Variants in DMD observed in about 807,000 individuals in gnomAD.
The protein encoded by DMD is dystrophin.
A neutral mutation model predicts 330.1 loss-of-function variants in DMD; 63 were observed. The observed-to-expected ratio is 0.19, with a 90% CI of 0.16 to 0.24. The LOEUF (loss-of-function observed/expected upper bound fraction) is 0.24, where lower values mean the gene tolerates loss of function less well. Among genes scored for constraint, DMD ranks in the 10% least tolerant of loss-of-function variants. DMD has a pLI of 1.00. For missense variants in DMD, 3,344 were observed against 2,684.1 expected (o/e 1.25, Z -5.43); for synonymous variants, 1,223 against 959.8 (o/e 1.27, Z -5.07).
rs139167730 is a variant in DMD at position 32,737,232 on chromosome X, A to G, written c.650-37939T>C. Reference sequence around the variant, plus strand: ...GCTTCAAGACGTGAAGTGTGAATACATGTTTCACTTGGAATAAAATAATAT... The same window carrying G: ...GCTTCAAGACGTGAAGTGTGAATACGTGTTTCACTTGGAATAAAATAATAT... On this transcript the variant is annotated intron_variant, in intron 7 of 78. Transcript: ENST00000357033. Among the ~76,000 whole-genome samples, 753 of 111,054 alleles carry G rather than the reference A, an allele frequency of 6.8e-3. 10 individuals carry two copies. The highest frequency in any genetic ancestry group is 0.024 in the African/African-American group (724 of 30,615).
At chrX:32,486,209 T>C (rs1255796109) in intron 20 of DMD, among the ~76,000 whole-genome samples, 1 of 111,302 alleles carries the variant, frequency 9.0e-6, no homozygotes, top group Admixed American at 9.6e-5. Flanking sequence ...GCACCTGAAA[T>C]GTGGCTGGTC....
rs188694739 is a variant in DMD, at chrX:32,697,950, G to A, written c.880C>T (p.Pro294Ser). The change falls in exon 9 of 79, where the codon CCT becomes TCT. Residue 294 changes from proline to serine, a missense_variant. Coordinates refer to ENST00000357033, the MANE Select transcript of DMD (RefSeq NM_004006.3). ...GTGTAGGCATAGCTCTTGAATCGAG[G>A]CTTAGGGGAAGAAGTTCTCTCATAT... is the stretch of plus-strand genomic sequence containing the variant. ...QGYERTSSPK[P>S]RFKSYAYTQA... The A allele has an allele frequency of 1.7e-5, 21 of 1,202,933 alleles. No individual in the cohort carries two copies.
intron 30 of DMD, among the ~76,000 whole-genome samples, chrX:32,407,637 G>T (rs867453877): frequency 1.8e-5 from 2 of 110,688 alleles, no homozygotes; most frequent in Non-Finnish European, 1.9e-5. Flanking sequence ...ATACCCAAAG[G>T]ATTATAAATC....
At chrX:31,466,350 G>A (rs1157008114) in intron 59 of DMD, among the ~76,000 whole-genome samples, 2 of 111,920 alleles carry the variant, frequency 1.8e-5, no homozygotes, top group African/African-American at 6.5e-5. Flanking sequence ...TGTATAAGGT[G>A]TAAGGAAGGG....
chrX:31,867,091 GAT>G (rs35804192), intron 48 of DMD, among the ~76,000 whole-genome samples: 111 of 101,211 alleles, frequency 1.1e-3, no homozygotes, highest in African/African-American at 1.5e-3. Context: ...AACATATTTT[GAT>G]ATATATATAT....
At chrX:32,650,039 C>G (rs928383701) in intron 9 of DMD, among the ~76,000 whole-genome samples, 2 of 110,921 alleles carry the variant, frequency 1.8e-5, no homozygotes, top group Non-Finnish European at 3.8e-5. Context: ...TGAATGAGCT[C>G]TGTGTGTTTC....
intron 67 of DMD, among the ~76,000 whole-genome samples, chrX:31,189,741 G>GC (rs1455243168): frequency 2.7e-5 from 3 of 112,181 alleles, no homozygotes; most frequent in Non-Finnish European, 5.6e-5. Context: ...CAATATGATC[G>GC]CAAGAAATAA....
chrX:32,725,628 G>A (rs971569421), intron 7 of DMD, among the ~76,000 whole-genome samples: 1 of 110,834 alleles, frequency 9.0e-6, no homozygotes, highest in African/African-American at 3.3e-5. Context: ...GGAGCACCCA[G>A]ATAAATAAAG....
At chrX:32,666,604 T>C (rs993485495) in intron 9 of DMD, among the ~76,000 whole-genome samples, 3 of 110,452 alleles carry the variant, frequency 2.7e-5, no homozygotes, top group African/African-American at 9.9e-5. Context: ...CAGTCTATCA[T>C]TGATGGGAAT....
At chrX:33,285,402 A>C in intron 1 of DMD, among the ~76,000 whole-genome samples, 1 of 111,832 alleles carries the variant, frequency 8.9e-6, no homozygotes, top group Non-Finnish European at 1.9e-5. Context: ...TTCATAATTC[A>C]AAGTAACATG....
At chrX:32,399,586 G>A (rs1198176566) in intron 30 of DMD, among the ~76,000 whole-genome samples, 1 of 111,111 alleles carries the variant, frequency 9.0e-6, no homozygotes, top group African/African-American at 3.3e-5. Flanking sequence ...AATAACAAAT[G>A]TTGGCGAGGA....
chrX:32,256,379 A>G (rs1046104306), intron 43 of DMD, among the ~76,000 whole-genome samples: 2 of 106,072 alleles, frequency 1.9e-5, no homozygotes, highest in African/African-American at 7.0e-5. Context: ...ATATTCCGCC[A>G]TCCCTTTGCT....
rs1199080997 is a variant in DMD at position 32,715,852 on chromosome X, C to T, written c.650-16559G>A. Among the ~76,000 whole-genome samples, 4 of 111,201 alleles carry T rather than the reference C, an allele frequency of 3.6e-5. No individual in the cohort carries two copies. In the East Asian group the frequency reaches 1.1e-3, roughly 31 times the overall value. Reference sequence around the variant, plus strand: ...CCACAGGACAGATGGAGCCGAAGAACATTAGGCTAAGTGAAATAAGCAAGA... The same window carrying T: ...CCACAGGACAGATGGAGCCGAAGAATATTAGGCTAAGTGAAATAAGCAAGA... On this transcript the variant is annotated intron_variant, in intron 7 of 78. Transcript: ENST00000357033.
chrX:31,505,569 G>T (rs777434533), intron 56 of DMD, among the ~76,000 whole-genome samples: 1 of 110,575 alleles, frequency 9.0e-6, no homozygotes, highest in African/African-American at 3.3e-5. Context: ...TATATGCTAC[G>T]GTATCATATG....
At chrX:32,469,226 T>C (rs2040366581) in intron 22 of DMD, among the ~76,000 whole-genome samples, 1 of 110,704 alleles carries the variant, frequency 9.0e-6, no homozygotes, top group South Asian at 3.8e-4. Context: ...GATAGTTTTG[T>C]GGAGAATTTA....
chrX:32,870,971 AAAAAAAAAAAAAAAAAAC>A (rs1382340245), intron 2 of DMD, among the ~76,000 whole-genome samples: 3 of 71,899 alleles, frequency 4.2e-5, no homozygotes, highest in Non-Finnish European at 8.0e-5. Flanking sequence ...AAAAAAAAAA[AAAAAAAAAAAAAAAAAAC>A]CACAAAACCC....
At chrX:31,466,187 T>C (rs1320462235) in intron 59 of DMD, among the ~76,000 whole-genome samples, 1 of 112,536 alleles carries the variant, frequency 8.9e-6, no homozygotes, top group Non-Finnish European at 1.9e-5. Context: ...TTTAATTAGA[T>C]TCCATTTGTC....
intron 44 of DMD, among the ~76,000 whole-genome samples, chrX:32,193,933 C>T (rs1267620607): frequency 2.7e-5 from 3 of 112,112 alleles, no homozygotes; most frequent in African/African-American, 6.5e-5. Flanking sequence ...CTCTGTGTTA[C>T]TCTAAAACAC....
At chrX:31,210,596 C>T (rs746977941) in intron 64 of DMD, among the ~76,000 whole-genome samples, 37 of 112,147 alleles carry the variant, frequency 3.3e-4, no homozygotes, top group Non-Finnish European at 6.2e-4. Flanking sequence ...TTTATACTAC[C>T]TTATACACCT....
Sources: allele counts gnomAD v4.1 joint callset (sites outside exome capture counted in the v4.1 genomes callset), GRCh38; gene constraint gnomAD v4.1.1; transcripts MANE v1.5; gene names NCBI Gene and HGNC (gene_info 2026-07-23, HGNC 2026-07-21).